CALN1: variants seen among roughly 807,000 people sequenced by gnomAD.
The protein encoded by CALN1 is calcium-binding protein 8.
In CALN1, 17 loss-of-function variants were observed where a neutral mutation model predicts 30.6. That is an observed-to-expected ratio of 0.56 (90% confidence interval 0.38 to 0.83). The LOEUF (loss-of-function observed/expected upper bound fraction) is 0.83. Ranked by LOEUF, CALN1 falls within the 40% of genes least tolerant of loss-of-function variation. The pLI, the probability that CALN1 is intolerant of heterozygous loss-of-function variation, is 0.00. For synonymous variants in CALN1, 156 were observed against 131.4 expected (o/e 1.19, Z -1.28); for missense variants, 291 against 354.9 (o/e 0.82, Z 1.45).
intron 3 of CALN1, among the ~76,000 whole-genome samples, chr7:72,250,827 C>CT (rs1466989360): frequency 6.6e-6 from 1 of 152,144 alleles, no homozygotes; most frequent in Admixed American, 6.6e-5. Flanking sequence ...CTCGTATAGC[C>CT]TGCAGAACCA....
intron 6 of CALN1, among the ~76,000 whole-genome samples, chr7:71,798,665 A>C (rs1584241523): frequency 7.7e-6 from 1 of 129,240 alleles, no homozygotes; most frequent in African/African-American, 3.1e-5. Context: ...TCTGTCACCC[A>C]GGCTTGAGTG....
At chr7:72,319,272 G>A (rs377559656) in intron 2 of CALN1, among the ~76,000 whole-genome samples, 7 of 152,164 alleles carry the variant, frequency 4.6e-5, no homozygotes, top group South Asian at 4.1e-4. Context: ...ACAGACTCAC[G>A]GTTCCACATG....
the CALN1 span, among the ~76,000 whole-genome samples, chr7:72,471,922 C>T: frequency 6.6e-6 from 1 of 152,098 alleles, no homozygotes; most frequent in Non-Finnish European, 1.5e-5. Context: ...GCCTTAATCT[C>T]CCAAGTATCT....
chr7:71,799,264 A>C (rs1787156513), intron 6 of CALN1, among the ~76,000 whole-genome samples: 1 of 152,044 alleles, frequency 6.6e-6, no homozygotes, highest in Admixed American at 6.5e-5. Flanking sequence ...CCTTTCACAG[A>C]TGGAGAAAAG....
Position 72,271,284 on chromosome 7 carries a change from G to A in CALN1, c.244+7402C>T, listed in dbSNP as rs75657887. 3.3e-3 allele frequency among the ~76,000 whole-genome samples: 500 copies of A among 152,090 alleles called. 21 individuals carry two copies. In the East Asian group the frequency reaches 0.082, roughly 25 times the overall value. ...AGGTCATCAGCACGTAGATGCTCGG[G>A]CAGAAGGCAACAAAAACCAACCCCA... On this transcript the variant is annotated intron_variant, in intron 3 of 6. Coordinates refer to ENST00000395275, the MANE Select transcript of CALN1 (RefSeq NM_031468.4).
rs1252385263 is a variant in CALN1, at chr7:72,383,458, A to G, written c.119+19793T>C. 2.6e-5 allele frequency among the ~76,000 whole-genome samples: 4 copies of G among 152,060 alleles called. No homozygotes were observed. The East Asian group carries it at 7.7e-4, about 29-fold the overall frequency. On this transcript the variant is annotated intron_variant, in intron 2 of 6. Transcript: ENST00000395275. ...GACTTTTTAACTAGTGTGAGGAGGT[A>G]TCTCATTATGGTTTTGATTTGCCTC...
At chr7:72,473,954 AG>A in the CALN1 span, among the ~76,000 whole-genome samples, 1 of 152,036 alleles carries the variant, frequency 6.6e-6, no homozygotes. Context: ...AAAGAAAGAA[AG>A]AAAGTGAATA....
intron 2 of CALN1, among the ~76,000 whole-genome samples, chr7:72,332,719 G>C (rs62459273): frequency 3.5e-4 from 53 of 151,802 alleles, no homozygotes; most frequent in African/African-American, 1.2e-3. Context: ...TTCTTAATGC[G>C]ATCTTTATTG....
chr7:72,041,001 G>A (rs987149863), intron 4 of CALN1, among the ~76,000 whole-genome samples: 34 of 152,332 alleles, frequency 2.2e-4, no homozygotes, highest in African/African-American at 7.0e-4. Context: ...CAGAGCTGAT[G>A]CCATCTTAGC....
chr7:72,410,475 C>G lies in CALN1; in HGVS notation c.-74+1583G>C, dbSNP rs1352523170. Among the ~76,000 whole-genome samples the G allele has an allele frequency of 2.6e-5, 4 of 152,270 alleles. 1 individual carries two copies. Among genetic ancestry groups the G allele is most frequent in the Non-Finnish European group, 1.5e-5 (1 of 68,018 alleles). ...AAGTTGTTTTCTCCCTATCTCTGCCCAAAACCAATTAGATATCACGGAAAT... is the reference window on the plus strand; with the variant it reads ...AAGTTGTTTTCTCCCTATCTCTGCCGAAAACCAATTAGATATCACGGAAAT... On this transcript the variant is annotated intron_variant, in intron 1 of 6. Transcript: ENST00000395275.
intron 4 of CALN1, among the ~76,000 whole-genome samples, chr7:72,062,511 CAAAA>C (rs376093442): frequency 1.7e-5 from 1 of 59,378 alleles, no homozygotes; most frequent in Non-Finnish European, 3.1e-5. Flanking sequence ...GACTCTATCT[CAAAA>C]AAAAAAAAAA....
intron 3 of CALN1, among the ~76,000 whole-genome samples, chr7:72,175,374 A>G (rs867527065): frequency 6.6e-6 from 1 of 152,118 alleles, no homozygotes; most frequent in Non-Finnish European, 1.5e-5. Flanking sequence ...CATTTTTTAA[A>G]TAAGAATAAA....
chr7:71,808,379 AATT>A (rs1034307970), intron 6 of CALN1, among the ~76,000 whole-genome samples: 1 of 151,550 alleles, frequency 6.6e-6, no homozygotes, highest in South Asian at 2.1e-4. Context: ...AAACATTAAT[AATT>A]ATTTTATAAC....
intron 5 of CALN1, among the ~76,000 whole-genome samples, chr7:71,911,931 G>A (rs1030856764): frequency 6.6e-6 from 1 of 152,038 alleles, no homozygotes; most frequent in Non-Finnish European, 1.5e-5. Flanking sequence ...ACACATGAAG[G>A]GGCTTCACCA....
intron 2 of CALN1, among the ~76,000 whole-genome samples, chr7:72,304,108 C>T (rs960671372): frequency 6.6e-6 from 1 of 152,160 alleles, no homozygotes; most frequent in Admixed American, 6.5e-5. Context: ...GGTGCTAAGC[C>T]CTCCCCCGAA....
At chr7:72,297,205 A>G (rs1239273537) in intron 2 of CALN1, among the ~76,000 whole-genome samples, 2 of 152,180 alleles carry the variant, frequency 1.3e-5, no homozygotes, top group African/African-American at 4.8e-5. Context: ...ATTCAGAAAA[A>G]AAGTTTTGTT....
At chr7:72,396,662 G>A (rs1166243361) in intron 2 of CALN1, among the ~76,000 whole-genome samples, 3 of 152,170 alleles carry the variant, frequency 2.0e-5, no homozygotes, top group East Asian at 1.9e-4. Context: ...AGAGCTGAAT[G>A]TAGAAAAGGT....
intron 4 of CALN1, among the ~76,000 whole-genome samples, chr7:72,029,585 T>C (rs1476954833): frequency 6.6e-6 from 1 of 152,086 alleles, no homozygotes; most frequent in African/African-American, 2.4e-5. Flanking sequence ...TTCAGTGCCA[T>C]CTCCCCAACC....
At chr7:72,468,464 C>T in the CALN1 span, among the ~76,000 whole-genome samples, 1 of 152,180 alleles carries the variant, frequency 6.6e-6, no homozygotes, top group African/African-American at 2.4e-5. Flanking sequence ...CAGGCATGTG[C>T]CAACACTACC....
Sources: allele counts gnomAD v4.1 joint callset (sites outside exome capture counted in the v4.1 genomes callset), GRCh38; gene constraint gnomAD v4.1.1; transcripts MANE v1.5; gene names NCBI Gene and HGNC (gene_info 2026-07-23, HGNC 2026-07-21).